The following CADM2 variants were observed in gnomAD, a reference collection of about 807,000 sequenced individuals.
CADM2 encodes cell adhesion molecule 2.
A neutral mutation model predicts 49.8 loss-of-function variants in CADM2; 12 were observed. The observed-to-expected ratio is 0.24, with a 90% CI of 0.15 to 0.39. CADM2 has a LOEUF of 0.39. Among genes scored for constraint, CADM2 ranks in the 10% least tolerant of loss-of-function variants. The pLI is 1.00. For missense variants in CADM2, 378 were observed against 492.3 expected, an observed-to-expected ratio of 0.77 and a Z score of 2.20; for synonymous variants, 214 against 175.4, an observed-to-expected ratio of 1.22 and a Z score of -1.74.
At chr3:85,417,875 T>C (rs2035983348) in intron 1 of CADM2, among the ~76,000 whole-genome samples, 3 of 152,098 alleles carry the variant, frequency 2.0e-5, no homozygotes, top group African/African-American at 7.2e-5. Context: ...CAAATGAAAG[T>C]TCATATTTAG....
chr3:85,232,159 T>G (rs1359574567), intron 1 of CADM2, among the ~76,000 whole-genome samples: 1 of 145,908 alleles, frequency 6.9e-6, no homozygotes, highest in Non-Finnish European at 1.5e-5. Flanking sequence ...TTATTATTAT[T>G]ATTATTTAGT....
chr3:85,227,112 T>C (rs548619851), intron 1 of CADM2, among the ~76,000 whole-genome samples: 1 of 152,268 alleles, frequency 6.6e-6, no homozygotes, highest in Admixed American at 6.5e-5. Flanking sequence ...TGATTTGGGG[T>C]GTAGAGTTCT....
At chr3:85,596,666 A>G (rs1350442749) in intron 1 of CADM2, among the ~76,000 whole-genome samples, 1 of 152,110 alleles carries the variant, frequency 6.6e-6, no homozygotes, top group Non-Finnish European at 1.5e-5. Context: ...AAGGCAGATT[A>G]TAGAACATTT....
chr3:85,823,109 T>C (rs1423828958), intron 3 of CADM2, among the ~76,000 whole-genome samples: 1 of 152,174 alleles, frequency 6.6e-6, no homozygotes, highest in Non-Finnish European at 1.5e-5. Context: ...TTATCTTGTA[T>C]AAATAAAAGT....
At chr3:85,444,441 A>ACT (rs1553724310) in intron 1 of CADM2, among the ~76,000 whole-genome samples, 15 of 105,076 alleles carry the variant, frequency 1.4e-4, no homozygotes, top group Non-Finnish European at 2.8e-4. Flanking sequence ...TTTCCTACAC[A>ACT]CTCACACACA....
At chr3:85,055,230 G>C (rs2036035889) in intron 1 of CADM2, among the ~76,000 whole-genome samples, 1 of 151,904 alleles carries the variant, frequency 6.6e-6, no homozygotes, top group Admixed American at 6.6e-5. Context: ...TTAAAACTGA[G>C]AGTTCAATGG....
intron 1 of CADM2, among the ~76,000 whole-genome samples, chr3:85,556,294 G>A (rs138023772): frequency 6.6e-6 from 1 of 151,998 alleles, no homozygotes; most frequent in Non-Finnish European, 1.5e-5. Context: ...CATCCTTGTC[G>A]TTTTCCTGTT....
intron 1 of CADM2, among the ~76,000 whole-genome samples, chr3:85,435,360 T>C (rs1270027026): frequency 6.6e-6 from 1 of 152,182 alleles, no homozygotes; most frequent in African/African-American, 2.4e-5. Context: ...TCCTTTTTTA[T>C]GGCTGCATAG....
intron 1 of CADM2, among the ~76,000 whole-genome samples, chr3:85,022,635 C>T (rs146609875): frequency 1.4e-3 from 213 of 152,086 alleles, no homozygotes; most frequent in Non-Finnish European, 2.0e-3. Context: ...TTATATATAC[C>T]GCTTTGTAAC....
At chr3:85,455,215 A>C (rs1367230543) in intron 1 of CADM2, among the ~76,000 whole-genome samples, 1 of 152,220 alleles carries the variant, frequency 6.6e-6, no homozygotes, top group Non-Finnish European at 1.5e-5. Flanking sequence ...CCACAATAAA[A>C]CACAAATGCA....
chr3:85,173,627 G>A (rs2040696910), intron 1 of CADM2, among the ~76,000 whole-genome samples: 1 of 152,054 alleles, frequency 6.6e-6, no homozygotes, highest in Admixed American at 6.5e-5. Context: ...AAAGATGACA[G>A]GAAGACATTT....
At chr3:85,732,388 G>T (rs939364378) in intron 2 of CADM2, among the ~76,000 whole-genome samples, 2 of 152,096 alleles carry the variant, frequency 1.3e-5, no homozygotes, top group South Asian at 2.1e-4. Context: ...ACTGATCTAA[G>T]GAAATATGTG....
At chr3:85,133,635 C>T (rs1575947063) in intron 1 of CADM2, among the ~76,000 whole-genome samples, 2 of 150,922 alleles carry the variant, frequency 1.3e-5, no homozygotes, top group Non-Finnish European at 3.0e-5. Context: ...TACAGAGTGT[C>T]GATTGGTGCA....
chr3:85,550,585 TA>T (rs1291088208), intron 1 of CADM2, among the ~76,000 whole-genome samples: 3 of 152,224 alleles, frequency 2.0e-5, no homozygotes, highest in Admixed American at 2.0e-4. Context: ...TTTCTAGTGG[TA>T]AATTAGCTCA....
chr3:85,738,117 A>T (rs1310368333), intron 2 of CADM2, among the ~76,000 whole-genome samples: 1 of 151,300 alleles, frequency 6.6e-6, no homozygotes. Context: ...AGACAATCAA[A>T]TCTCTTGGCT....
At chr3:85,394,702 A>G (rs926620724) in intron 1 of CADM2, among the ~76,000 whole-genome samples, 1 of 152,122 alleles carries the variant, frequency 6.6e-6, no homozygotes, top group African/African-American at 2.4e-5. Flanking sequence ...TTCATTTATC[A>G]TGATTTAGAT....
chr3:85,280,940 G>A (rs887242547), intron 1 of CADM2, among the ~76,000 whole-genome samples: 1 of 151,566 alleles, frequency 6.6e-6, no homozygotes, highest in East Asian at 1.9e-4. Context: ...AAAATAAAAA[G>A]AATTGCAAGA....
chr3:85,349,883 C>T (rs980337323), intron 1 of CADM2, among the ~76,000 whole-genome samples: 1 of 152,078 alleles, frequency 6.6e-6, no homozygotes, highest in Non-Finnish European at 1.5e-5. Context: ...ATGCCACAAC[C>T]GTTCAGGATT....
intron 8 of CADM2, among the ~76,000 whole-genome samples, chr3:85,987,126 A>G (rs939367764): frequency 6.6e-6 from 1 of 152,070 alleles, no homozygotes; most frequent in Non-Finnish European, 1.5e-5. Context: ...AAAATCTTTA[A>G]GTATTTACTG....
Sources: gnomAD v4.1 joint callset for allele counts (sites outside exome capture counted in the v4.1 genomes callset) on GRCh38, gnomAD v4.1.1 for gene constraint, MANE v1.5 for transcripts, NCBI Gene and HGNC (gene_info 2026-07-23, HGNC 2026-07-21) for gene names.